Variants in CECR2 observed in about 807,000 individuals in gnomAD.
CECR2 encodes the protein chromatin remodeling regulator CECR2.
CECR2 carries 30 observed loss-of-function variants against 154.5 expected under a neutral mutation model. The ratio of observed to expected loss-of-function variants is 0.19; its 90% CI spans 0.15 to 0.26. The LOEUF (loss-of-function observed/expected upper bound fraction) is 0.26. Ranked by LOEUF, CECR2 falls within the 10% of genes least tolerant of loss-of-function variation. The pLI, the probability that CECR2 is intolerant of heterozygous loss-of-function variation, is 1.00. For missense variants in CECR2, 1,743 were observed against 1,829.3 expected, an observed-to-expected ratio of 0.95 and a Z score of 0.86; for synonymous variants, 725 against 683.7, an observed-to-expected ratio of 1.06 and a Z score of -0.94.
chr22:17,491,378 C>T (rs1365427716), intron 2 of CECR2, among the ~76,000 whole-genome samples: 1 of 152,144 alleles, frequency 6.6e-6, no homozygotes, highest in African/African-American at 2.4e-5. Flanking sequence ...TTTTTGACGT[C>T]CTCCATTATA....
chr22:17,404,539 A>C (rs2053952153), intron 1 of CECR2, among the ~76,000 whole-genome samples: 5 of 138,988 alleles, frequency 3.6e-5, no homozygotes, highest in African/African-American at 8.5e-5. Flanking sequence ...ACGCCCGGCT[A>C]ATTTTTTGTA....
intron 1 of CECR2, among the ~76,000 whole-genome samples, chr22:17,435,746 G>A (rs1475653642): frequency 5.4e-5 from 8 of 147,620 alleles, no homozygotes; most frequent in Non-Finnish European, 8.9e-5. Flanking sequence ...CCAGTGAAAC[G>A]GTGATTTTTT....
intron 1 of CECR2, among the ~76,000 whole-genome samples, chr22:17,413,489 A>C (rs576459983): frequency 6.6e-6 from 1 of 152,228 alleles, no homozygotes; most frequent in East Asian, 1.9e-4. Context: ...AACATTGTTC[A>C]GACCTGGGGA....
chr22:17,478,182 C>A (rs1231580754), intron 2 of CECR2, among the ~76,000 whole-genome samples: 1 of 151,892 alleles, frequency 6.6e-6, no homozygotes, highest in African/African-American at 2.4e-5. Flanking sequence ...TTGTTTTGAT[C>A]TTTACTTAAT....
At chr22:17,441,138 G>A (rs1197947209) in intron 1 of CECR2, among the ~76,000 whole-genome samples, 3 of 152,136 alleles carry the variant, frequency 2.0e-5, no homozygotes, top group Admixed American at 6.6e-5. Flanking sequence ...TAATAGAGAT[G>A]GGGTTTCACC....
At chr22:17,544,923 G>C (rs1202161035) in intron 16 of CECR2, among the ~76,000 whole-genome samples, 22 of 149,636 alleles carry the variant, frequency 1.5e-4, no homozygotes, top group Non-Finnish European at 3.0e-5. Flanking sequence ...AATGAGCTAT[G>C]ATTGCACCAC....
intron 1 of CECR2, among the ~76,000 whole-genome samples, chr22:17,406,708 T>C (rs181417856): frequency 5.8e-4 from 88 of 152,366 alleles, no homozygotes; most frequent in African/African-American, 2.0e-3. Context: ...TGCCAGCTCT[T>C]TCTTCTAGCT....
At chr22:17,456,443 C>T (rs2054855727) in intron 1 of CECR2, among the ~76,000 whole-genome samples, 1 of 152,140 alleles carries the variant, frequency 6.6e-6, no homozygotes, top group Non-Finnish European at 1.5e-5. Context: ...ATCTACTTTT[C>T]AGTGCCCTAA....
Position 17,553,107 on chromosome 22 carries a change from TTAA to T in CECR2, c.*269_*271del, listed in dbSNP as rs1318094660. 1.3e-5 allele frequency: 8 copies of T among 594,494 alleles called. No individual in the cohort carries two copies. Among genetic ancestry groups the T allele is most frequent in the African/African-American group, 5.8e-5 (3 of 51,412 alleles). The allele number at this position is 594,494 out of a possible 1,614,324, so 36.8% of individuals were successfully genotyped here. On this transcript the variant is annotated 3_prime_UTR_variant, in exon 19 of 19. Transcript: ENST00000262608. ...TCAGGCAAAACTAATGAACGTGGAG[TTAA>T]TGATGACTTTTCCAAATCCTGAGAC...
intron 1 of CECR2, among the ~76,000 whole-genome samples, chr22:17,436,820 C>T (rs931066764): frequency 9.9e-5 from 15 of 152,208 alleles, no homozygotes; most frequent in Non-Finnish European, 1.8e-4. Context: ...ATTAATGTTT[C>T]CTTAAGTGAG....
At chr22:17,524,603 A>G (rs921561062) in intron 9 of CECR2, among the ~76,000 whole-genome samples, 3 of 137,896 alleles carry the variant, frequency 2.2e-5, no homozygotes, top group Admixed American at 7.5e-5. Flanking sequence ...TGTGTTAGCC[A>G]GGATGGTCTC....
rs1601529102 is a variant in CECR2 at position 17,534,363 on chromosome 22, C to T, written c.1109-2740C>T. ...CATTTATAGGGAAAAAATTTACATC[C>T]CTGCTCCTTATATAAGTTCCAGATA... is the stretch of plus-strand genomic sequence containing the variant. On this transcript the variant is annotated intron_variant, in intron 9 of 18. Coordinates refer to ENST00000262608, the MANE Select transcript of CECR2 (RefSeq NM_001290047.2). 2.6e-5 allele frequency among the ~76,000 whole-genome samples: 4 copies of T among 152,120 alleles called. No individual in the cohort carries two copies. In the South Asian group the frequency reaches 8.3e-4, roughly 32 times the overall value.
intron 1 of CECR2, among the ~76,000 whole-genome samples, chr22:17,388,707 G>A (rs1428271746): frequency 3.3e-5 from 5 of 152,170 alleles, no homozygotes; most frequent in African/African-American, 4.8e-5. Flanking sequence ...TTCTTCACTT[G>A]CTTAAATTAC....
intron 1 of CECR2, among the ~76,000 whole-genome samples, chr22:17,393,259 A>T (rs1253427569): frequency 2.0e-5 from 3 of 152,176 alleles, no homozygotes; most frequent in African/African-American, 7.2e-5. Context: ...CATAATGAGT[A>T]GAATCATGTA....
intron 1 of CECR2, among the ~76,000 whole-genome samples, chr22:17,428,028 G>A (rs531529058): frequency 4.6e-5 from 7 of 152,278 alleles, no homozygotes; most frequent in South Asian, 4.1e-4. Context: ...TCTAACTGGC[G>A]TGAGATGGTA....
In CECR2 at chr22:17,423,684, C is replaced by G. The variant is rs148284591; in HGVS notation, c.126+53775C>G. ...CCCCCTATACACCATGAGTGGGTTC[C>G]CCTGGAGTTTTTAGCTCTCAGATTT... On this transcript the variant is annotated intron_variant, in intron 1 of 18. Transcript: ENST00000262608. 5.5e-4 allele frequency among the ~76,000 whole-genome samples: 84 copies of G among 152,162 alleles called. 2 individuals carry two copies. In the East Asian group the frequency reaches 0.016, roughly 29 times the overall value.
intron 1 of CECR2, among the ~76,000 whole-genome samples, chr22:17,420,744 G>T (rs1419392492): frequency 2.6e-5 from 4 of 152,070 alleles, no homozygotes; most frequent in African/African-American, 9.7e-5. Flanking sequence ...TTTTGATGTA[G>T]GGATTTTCTG....
At chr22:17,504,755 A>G in intron 6 of CECR2, 92 bp from the exon 7 acceptor site, 1 of 1,160,750 alleles carries the variant, frequency 8.6e-7, no homozygotes, top group Admixed American at 2.2e-5. Flanking sequence ...TCCTTATTTT[A>G]GTCATGACCC....
intron 1 of CECR2, among the ~76,000 whole-genome samples, chr22:17,389,373 A>G (rs934197094): frequency 2.7e-4 from 41 of 152,312 alleles, no homozygotes; most frequent in African/African-American, 9.6e-4. Context: ...CTAGCTAGCT[A>G]GGCATCTCTA....
Sources: gnomAD v4.1 joint callset for allele counts (sites outside exome capture counted in the v4.1 genomes callset) on GRCh38, gnomAD v4.1.1 for gene constraint, MANE v1.5 for transcripts, NCBI Gene and HGNC (gene_info 2026-07-23, HGNC 2026-07-21) for gene names.